The following HERC2 variants were observed in gnomAD, a reference collection of about 807,000 sequenced individuals.
HERC2 encodes the protein E3 ubiquitin-protein ligase HERC2.
In HERC2, 102 loss-of-function variants were observed where a neutral mutation model predicts 537.7. That is an observed-to-expected ratio of 0.19 (90% CI 0.16 to 0.22). The LOEUF (loss-of-function observed/expected upper bound fraction) is 0.22. Among genes scored for constraint, HERC2 ranks in the 10% least tolerant of loss-of-function variants. The pLI, the probability that HERC2 is intolerant of heterozygous loss-of-function variation, is 1.00. For missense variants in HERC2, 4,236 were observed against 6,198.2 expected, an observed-to-expected ratio of 0.68 and a Z score of 10.63; for synonymous variants, 2,224 against 2,466.2, an observed-to-expected ratio of 0.90 and a Z score of 2.91.
rs200466569 is a variant in HERC2 at position 28,124,003 on chromosome 15, G to A, written c.13188+34C>T. The A allele has an allele frequency of 8.3e-5, 127 of 1,524,326 alleles. 1 individual carries two copies. In the African/African-American group the frequency reaches 1.6e-3, roughly 20 times the overall value. The allele number at this position is 1,524,326 out of a possible 1,614,324, so 94.4% of individuals were successfully genotyped here. On this transcript the variant is annotated intron_variant, in intron 85 of 92. Coordinates refer to ENST00000261609, the MANE Select transcript of HERC2 (RefSeq NM_004667.6). ...TGGGTTACATGTACTGAAGACACCAGTTTCCCCTAGAGCAAAGATTGCCAC... is the reference window on the plus strand; with the variant it reads ...TGGGTTACATGTACTGAAGACACCAATTTCCCCTAGAGCAAAGATTGCCAC...
chr15:28,263,116 T>C lies in HERC2; in HGVS notation c.1924A>G (p.Ser642Gly). The C allele has an allele frequency of 6.2e-7, 1 of 1,614,172 alleles. No individual in the cohort carries two copies. Among genetic ancestry groups the C allele is most frequent in the Non-Finnish European group, 8.5e-7 (1 of 1,179,980 alleles). ...GDYGKLGRGG[S>G]DGCKTPKLIE... ...AGCTTTGGGGTTTTGCAGCCATCAC[T>C]ACCACCTCTGCCCAATTTCCCATAG... Residue 642 changes from serine (S) to glycine (G), a missense_variant, in exon 15 of 93, where the codon AGT (serine) becomes GGT (glycine). Coordinates refer to ENST00000261609, the MANE Select transcript of HERC2 (RefSeq NM_004667.6).
intron 92 of HERC2, 40 bp from the exon 93 acceptor site, chr15:28,112,075 G>C (rs776848204): frequency 8.1e-6 from 13 of 1,596,024 alleles, no homozygotes; most frequent in Admixed American, 5.0e-5. Flanking sequence ...AATTGAGTAC[G>C]GCTGCAGTTT....
intron 20 of HERC2, among the ~76,000 whole-genome samples, chr15:28,249,737 C>A (rs1904090350): frequency 6.6e-6 from 1 of 152,098 alleles, no homozygotes; most frequent in African/African-American, 2.4e-5. Flanking sequence ...ACCTCCGCCT[C>A]CCGGGTTAAA....
At chr15:28,301,379 C>A (rs2076619131) in intron 2 of HERC2, among the ~76,000 whole-genome samples, 1 of 151,738 alleles carries the variant, frequency 6.6e-6, no homozygotes, top group Non-Finnish European at 1.5e-5. Context: ...TATGCCACTG[C>A]ACTCCAGCCT....
intron 44 of HERC2, among the ~76,000 whole-genome samples, chr15:28,209,557 A>C (rs1374838694): frequency 6.6e-6 from 1 of 152,090 alleles, no homozygotes; most frequent in Non-Finnish European, 1.5e-5. Context: ...GTTAGCCAGG[A>C]TGGTCTCGAT....
At chr15:28,199,805 A>G (rs997283052) in intron 48 of HERC2, among the ~76,000 whole-genome samples, 7 of 151,946 alleles carry the variant, frequency 4.6e-5, no homozygotes, top group African/African-American at 1.7e-4. Flanking sequence ...TCCAACCCTA[A>G]CTCCTATTGT....
At chr15:28,142,977 T>C (rs200326715) in intron 74 of HERC2, 25 bp from the exon 75 acceptor site, 28 of 1,604,996 alleles carry the variant, frequency 1.7e-5, no homozygotes, top group Middle Eastern at 1.7e-4. Flanking sequence ...AACAGTATTC[T>C]ATCGCAGGAA....
intron 36 of HERC2, 130 bp from the exon 37 acceptor site, chr15:28,220,774 T>TGCCACACAGATGTCGCCATATG: frequency 1.4e-6 from 1 of 720,194 alleles, no homozygotes; most frequent in Admixed American, 2.2e-5. Flanking sequence ...CCAGCAGACC[T>TGCCACACAGATGTCGCCATATG]CAGTTAGGAG....
intron 69 of HERC2, among the ~76,000 whole-genome samples, chr15:28,156,380 T>C (rs969258956): frequency 9.9e-5 from 15 of 152,156 alleles, no homozygotes; most frequent in African/African-American, 3.4e-4. Flanking sequence ...CGATTTCCTA[T>C]CCATGAGCAT....
In HERC2 at chr15:28,310,584, G is replaced by A. The variant is rs866725664; in HGVS notation, c.72+10778C>T. ...CTCTTCTAGTCTTCAGTCAGAGGAGGGCAGTGAATACGTGCACTGGGGTTC... is the reference window on the plus strand; with the variant it reads ...CTCTTCTAGTCTTCAGTCAGAGGAGAGCAGTGAATACGTGCACTGGGGTTC... On this transcript the variant is annotated intron_variant, in intron 2 of 92. Transcript: ENST00000261609. Among the ~76,000 whole-genome samples, 576 of 152,192 alleles carry A rather than the reference G, an allele frequency of 3.8e-3. 3 individuals carry two copies. The highest frequency in any genetic ancestry group is 0.013 in the African/African-American group (546 of 41,506).
intron 12 of HERC2, among the ~76,000 whole-genome samples, chr15:28,267,656 C>A (rs1053254932): frequency 6.6e-6 from 1 of 152,236 alleles, no homozygotes; most frequent in Admixed American, 6.5e-5. Flanking sequence ...CCACACGATA[C>A]GCATTACTCT....
Position 28,293,016 on chromosome 15 carries a change from C to T in HERC2, c.194G>A (p.Ser65Asn). Residue 65 changes from serine to asparagine, a missense_variant, in exon 4 of 93, where the codon AGT becomes AAT. Ser to Asn is a conservative substitution (Grantham distance 46, BLOSUM62 1). Transcript: ENST00000261609. ...NGELPPRKDD[S>N]VEPSGTKKED... ...TTTCTTTGTTCCACTTGGTTCGACA[C>T]TATCATCTGCAGAATTAAAAATTTT... is the stretch of plus-strand genomic sequence containing the variant. 4 of 1,605,582 alleles carry T rather than the reference C, an allele frequency of 2.5e-6. No individual in the cohort carries two copies. Among genetic ancestry groups the T allele is most frequent in the Non-Finnish European group, 3.4e-6 (4 of 1,178,524 alleles).
chr15:28,303,774 G>T (rs1264376752), intron 2 of HERC2, among the ~76,000 whole-genome samples: 1 of 152,134 alleles, frequency 6.6e-6, no homozygotes, highest in East Asian at 1.9e-4. Context: ...CACTTCTTGG[G>T]TTAGTTTTAT....
intron 4 of HERC2, among the ~76,000 whole-genome samples, chr15:28,283,379 T>C (rs1383041774): frequency 2.6e-5 from 4 of 152,198 alleles, no homozygotes; most frequent in Admixed American, 6.5e-5. Flanking sequence ...TCAGAAACCA[T>C]GGAGCCCAGC....
At chr15:28,231,621 C>CA (rs1901860144) in intron 30 of HERC2, among the ~76,000 whole-genome samples, 1 of 152,102 alleles carries the variant, frequency 6.6e-6, no homozygotes, top group African/African-American at 2.4e-5. Context: ...GGAGAGACAC[C>CA]AAAGCGTGTG....
Position 28,141,736 on chromosome 15 carries a change from C to T in HERC2, c.11811G>A (p.Met3937Ile). The T allele has an allele frequency of 8.7e-6, 14 of 1,613,512 alleles. No homozygotes were observed. Among genetic ancestry groups the T allele is most frequent in the Non-Finnish European group, 1.2e-5 (14 of 1,179,414 alleles). The change falls in exon 77 of 93, where the codon ATG becomes ATA. Residue 3937 changes from methionine (M) to isoleucine (I), a missense_variant. By Grantham distance (10) the Met-to-Ile change is conservative. Coordinates refer to ENST00000261609, the MANE Select transcript of HERC2 (RefSeq NM_004667.6). ...CTTGTTTCTAATATAATAACCTGTTCATCCACTGCACAAGTTGTTCGTCTT... is the reference window on the plus strand; with the variant it reads ...CTTGTTTCTAATATAATAACCTGTTTATCCACTGCACAAGTTGTTCGTCTT... Reference protein sequence around the residue: ...REQDEQLVQWMNRRPDDWTLS... With the variant: ...REQDEQLVQWINRRPDDWTLS...
At chr15:28,222,898 C>T (rs1900676218) in intron 35 of HERC2, among the ~76,000 whole-genome samples, 1 of 152,238 alleles carries the variant, frequency 6.6e-6, no homozygotes, top group Non-Finnish European at 1.5e-5. Context: ...CCTGACACAG[C>T]TCAGTGCCAG....
intron 20 of HERC2, among the ~76,000 whole-genome samples, chr15:28,249,427 A>C (rs912765364): frequency 6.6e-6 from 1 of 152,224 alleles, no homozygotes; most frequent in African/African-American, 2.4e-5. Context: ...GAAGATGACA[A>C]GAAAAGAGAA....
chr15:28,237,341 T>G (rs1421312998), intron 25 of HERC2, among the ~76,000 whole-genome samples: 1 of 152,230 alleles, frequency 6.6e-6, no homozygotes, highest in African/African-American at 2.4e-5. Flanking sequence ...ACAGCCCTAC[T>G]GTAGAAAAAC....
Sources: gnomAD v4.1 joint callset for allele counts (sites outside exome capture counted in the v4.1 genomes callset) on GRCh38, gnomAD v4.1.1 for gene constraint, MANE v1.5 for transcripts, NCBI Gene and HGNC (gene_info 2026-07-23, HGNC 2026-07-21) for gene names.